The following XPNPEP1 variants were observed in gnomAD, a reference collection of about 807,000 sequenced individuals.
XPNPEP1 encodes the protein xaa-Pro aminopeptidase 1.
A neutral mutation model predicts 92.4 loss-of-function variants in XPNPEP1; 39 were observed. The observed-to-expected ratio is 0.42, with a 90% CI of 0.33 to 0.55. The LOEUF (loss-of-function observed/expected upper bound fraction) is 0.55. XPNPEP1 is among the 20% of genes least tolerant of loss of function. The probability of loss-of-function intolerance (pLI) is 0.08; values close to 1 mark genes in which losing one functional copy is unlikely to be tolerated. For missense variants in XPNPEP1, 654 were observed against 856.1 expected, an observed-to-expected ratio of 0.76 and a Z score of 2.95; for synonymous variants, 307 against 299.4, an observed-to-expected ratio of 1.03 and a Z score of -0.26.
rs1412235031 is a variant in XPNPEP1, at chr10:109,864,947, CCTT to C, written c.*234_*236del. 1.2e-5 allele frequency: 7 copies of C among 570,046 alleles called. No individual in the cohort carries two copies. The highest frequency in any genetic ancestry group is 9.5e-5 in the African/African-American group (5 of 52,838). 35.3% of individuals were successfully genotyped at this position (570,046 alleles called of 1,614,324 possible). ...AAGTGTTCAACTTTGGAGGGACCCT[CCTT>C]CTGGTGCAGCAATTTTATTCTTGGC... On this transcript the variant is annotated 3_prime_UTR_variant, in exon 21 of 21. Transcript: ENST00000502935.
At chr10:109,909,544 T>C (rs186772532) in intron 2 of XPNPEP1, among the ~76,000 whole-genome samples, 12 of 152,372 alleles carry the variant, frequency 7.9e-5, no homozygotes, top group African/African-American at 2.6e-4. Flanking sequence ...GCACAGATGA[T>C]ACAAGCTGAC....
intron 20 of XPNPEP1, 145 bp downstream of exon 20, chr10:109,868,469 C>G: frequency 1.4e-6 from 1 of 694,190 alleles, no homozygotes; most frequent in Non-Finnish European, 2.3e-6. Context: ...GGCTTTCAGA[C>G]TCAACTGGCC....
chr10:109,900,263 T>C (rs919992340), intron 3 of XPNPEP1, among the ~76,000 whole-genome samples: 1 of 152,050 alleles, frequency 6.6e-6, no homozygotes, highest in Admixed American at 6.5e-5. Context: ...TCCCCAGCCG[T>C]AGGAGAAACT....
intron 3 of XPNPEP1, among the ~76,000 whole-genome samples, chr10:109,899,943 C>T (rs750225323): frequency 6.6e-6 from 1 of 152,346 alleles, no homozygotes; most frequent in Non-Finnish European, 1.5e-5. Context: ...TAGGATGGTA[C>T]ATGAAAGTAT....
chr10:109,868,093 A>G (rs1847238192), intron 20 of XPNPEP1, among the ~76,000 whole-genome samples: 1 of 152,228 alleles, frequency 6.6e-6, no homozygotes, highest in South Asian at 2.1e-4. Flanking sequence ...ACTGCCCCAG[A>G]GTGACCACAG....
chr10:109,913,654 G>C (rs536487966), intron 2 of XPNPEP1, among the ~76,000 whole-genome samples: 206 of 152,290 alleles, frequency 1.4e-3, no homozygotes, highest in African/African-American at 4.7e-3. Flanking sequence ...ATCAGGAACC[G>C]GGACTCAAGG....
At chr10:109,869,464 T>C (rs1847322303) in intron 19 of XPNPEP1, among the ~76,000 whole-genome samples, 1 of 152,176 alleles carries the variant, frequency 6.6e-6, no homozygotes, top group Non-Finnish European at 1.5e-5. Flanking sequence ...AACTCAGGGT[T>C]CCTCAACTTT....
intron 2 of XPNPEP1, 109 bp downstream of exon 2, chr10:109,914,902 T>G: frequency 3.1e-4 from 171 of 550,314 alleles, no homozygotes; most frequent in East Asian, 6.0e-4. Flanking sequence ...CCCCCAGTCA[T>G]GATCTGTTAC....
At chr10:109,905,788 G>A (rs1849527302) in intron 3 of XPNPEP1, among the ~76,000 whole-genome samples, 1 of 152,090 alleles carries the variant, frequency 6.6e-6, no homozygotes, top group Non-Finnish European at 1.5e-5. Context: ...TATATTTTTT[G>A]TAGAGCATCT....
intron 1 of XPNPEP1, 197 bp downstream of exon 1, chr10:109,923,205 G>A (rs1256361143): frequency 1.0e-6 from 1 of 985,284 alleles, no homozygotes; most frequent in Non-Finnish European, 1.2e-6. Context: ...CTCCGGAAAC[G>A]AACCGGATCT....
At chr10:109,885,354 T>C (rs1848331804) in intron 8 of XPNPEP1, among the ~76,000 whole-genome samples, 1 of 152,258 alleles carries the variant, frequency 6.6e-6, no homozygotes, top group Admixed American at 6.5e-5. Flanking sequence ...TGACACTGAT[T>C]ATCTCTAAGT....
intron 1 of XPNPEP1, among the ~76,000 whole-genome samples, chr10:109,920,112 G>T (rs1451351349): frequency 1.3e-5 from 2 of 151,746 alleles, no homozygotes; most frequent in Non-Finnish European, 2.9e-5. Flanking sequence ...AAGGGAAAAA[G>T]CCTAATACAA....
intron 1 of XPNPEP1, among the ~76,000 whole-genome samples, chr10:109,919,019 C>T (rs1474743676): frequency 2.6e-5 from 4 of 152,266 alleles, no homozygotes; most frequent in African/African-American, 4.8e-5. Flanking sequence ...CAGGTATGAA[C>T]GTAGGCGCTA....
At chr10:109,883,439 A>G (rs1848217829) in intron 9 of XPNPEP1, among the ~76,000 whole-genome samples, 1 of 152,066 alleles carries the variant, frequency 6.6e-6, no homozygotes, top group African/African-American at 2.4e-5. Flanking sequence ...TAACACCTGT[A>G]TCTGTCCCAC....
At chr10:109,871,945 C>T in intron 16 of XPNPEP1, 84 bp from the exon 17 acceptor site, 1 of 1,376,170 alleles carries the variant, frequency 7.3e-7, no homozygotes, top group Non-Finnish European at 1.0e-6. Flanking sequence ...AAAATCCTGC[C>T]TGCTAAAGTT....
intron 3 of XPNPEP1, among the ~76,000 whole-genome samples, chr10:109,902,826 T>C (rs1380701504): frequency 6.6e-6 from 1 of 152,218 alleles, no homozygotes; most frequent in Non-Finnish European, 1.5e-5. Context: ...AGTTTCCTCA[T>C]GGAGGGAAAA....
chr10:109,901,799 T>C (rs914285725), intron 3 of XPNPEP1, among the ~76,000 whole-genome samples: 22 of 152,238 alleles, frequency 1.4e-4, no homozygotes, highest in Admixed American at 1.3e-4. Context: ...TTATGAAATC[T>C]AAACACAGAT....
chr10:109,867,281 G>C lies in XPNPEP1; in HGVS notation c.1872+1333C>G, dbSNP rs1199393415. Among the ~76,000 whole-genome samples, 1 of 152,180 alleles carries C rather than the reference G, an allele frequency of 6.6e-6. No homozygotes were observed. The highest frequency in any genetic ancestry group is 1.9e-4 in the East Asian group (1 of 5,200). On this transcript the variant is annotated intron_variant, in intron 20 of 20. Coordinates refer to ENST00000502935, the MANE Select transcript of XPNPEP1 (RefSeq NM_020383.4). The surrounding 1 kb of genome is among the most constrained non-coding windows in gnomAD (Gnocchi z 4.5). ...GCTAAGGCAACACTTACAGGGGCTGGACAAGAGCCCCTGGACACTGGAAGG... is the reference window on the plus strand; with the variant it reads ...GCTAAGGCAACACTTACAGGGGCTGCACAAGAGCCCCTGGACACTGGAAGG...
intron 5 of XPNPEP1, 102 bp downstream of exon 5, chr10:109,891,620 C>G (rs1251385476): frequency 1.1e-6 from 1 of 951,862 alleles, no homozygotes; most frequent in African/African-American, 1.7e-5. Context: ...CAAAAGGGTC[C>G]ATGACTGCAT....
Sources: allele counts gnomAD v4.1 joint callset (sites outside exome capture counted in the v4.1 genomes callset), GRCh38; gene constraint gnomAD v4.1.1; non-coding constraint Gnocchi (gnomAD v3.1); transcripts MANE v1.5; gene names NCBI Gene and HGNC (gene_info 2026-07-23, HGNC 2026-07-21).